The following DKK2 variants were observed in gnomAD, a reference collection of about 807,000 sequenced individuals.
The protein encoded by DKK2 is dickkopf-related protein 2.
In DKK2, 11 loss-of-function variants were observed where a neutral mutation model predicts 28.1. That is an observed-to-expected ratio of 0.39 (90% CI 0.25 to 0.65). The LOEUF is 0.65. Among genes scored for constraint, DKK2 ranks in the 30% least tolerant of loss-of-function variants. DKK2 has a pLI of 0.47. For synonymous variants in DKK2, 135 were observed against 126.5 expected (o/e 1.07, Z -0.45); for missense variants, 326 against 335.5 (o/e 0.97, Z 0.22).
rs563558323 is a variant in DKK2, at chr4:106,991,033, A to C, written c.222+44337T>G. 4.8e-3 allele frequency among the ~76,000 whole-genome samples: 734 copies of C among 152,300 alleles called. 6 individuals are homozygous for C. The highest frequency in any genetic ancestry group is 0.017 in the African/African-American group (708 of 41,562). On this transcript the variant is annotated intron_variant, in intron 1 of 3. Transcript: ENST00000285311. Reference sequence around the variant, plus strand: ...TTAGATGAAAAATTTTTGTTCTGTGAGTATAGAGCTTGTGCAAAGGAAAAA... The same window carrying C: ...TTAGATGAAAAATTTTTGTTCTGTGCGTATAGAGCTTGTGCAAAGGAAAAA...
At position 106,974,584 on chromosome 4, in the gene DKK2, T is replaced by C. The variant is rs568054773; in HGVS notation, c.223-48635A>G. On this transcript the variant is annotated intron_variant, in intron 1 of 3. Transcript: ENST00000285311. ...TAGGAATGCTTGTGATTTTCGCACA[T>C]TGATTTTGTATCCTGAGACTTTGCT... Among the ~76,000 whole-genome samples, 5 of 152,316 alleles carry C rather than the reference T, an allele frequency of 3.3e-5. No homozygotes were observed. In the East Asian group the frequency reaches 5.8e-4, roughly 18 times the overall value.
At chr4:107,001,926 T>C (rs1723365674) in intron 1 of DKK2, among the ~76,000 whole-genome samples, 1 of 152,216 alleles carries the variant, frequency 6.6e-6, no homozygotes, top group Non-Finnish European at 1.5e-5. Flanking sequence ...GTAAGTCTTA[T>C]CATTACATTA....
chr4:106,935,910 C>T (rs899979208), intron 1 of DKK2, among the ~76,000 whole-genome samples: 11 of 152,162 alleles, frequency 7.2e-5, no homozygotes, highest in Non-Finnish European at 1.3e-4. Context: ...AGGGTCCTGT[C>T]CGTTAGAAGG....
At chr4:106,946,652 C>T (rs899467757) in intron 1 of DKK2, among the ~76,000 whole-genome samples, 10 of 152,046 alleles carry the variant, frequency 6.6e-5, no homozygotes, top group Non-Finnish European at 1.3e-4. Context: ...AGCACCCTGA[C>T]ATTGTGAATC....
chr4:106,928,345 C>G (rs140948214), intron 1 of DKK2, among the ~76,000 whole-genome samples: 87 of 152,002 alleles, frequency 5.7e-4, no homozygotes, highest in African/African-American at 1.9e-3. Flanking sequence ...AAAAATGACA[C>G]AGGCAGAGAA....
chr4:106,924,852 G>T, intron 2 of DKK2, 152 bp from the exon 3 acceptor site: 1 of 797,176 alleles, frequency 1.3e-6, no homozygotes, highest in Non-Finnish European at 1.8e-6. Flanking sequence ...TATTTATTGA[G>T]ACTGAGCATA....
intron 1 of DKK2, among the ~76,000 whole-genome samples, chr4:106,982,022 A>T (rs191885543): frequency 6.6e-6 from 1 of 152,186 alleles, no homozygotes; most frequent in East Asian, 1.9e-4. Flanking sequence ...CAAATTCAAC[A>T]CTAACAGCAC....
At chr4:106,991,455 T>C (rs1216989316) in intron 1 of DKK2, among the ~76,000 whole-genome samples, 12 of 152,172 alleles carry the variant, frequency 7.9e-5, no homozygotes, top group Non-Finnish European at 1.3e-4. Flanking sequence ...CTTCCTAAGA[T>C]ACCACATTTT....
At position 106,923,239 on chromosome 4, in the gene DKK2, T is replaced by A. The variant is rs1724374007; in HGVS notation, c.*715A>T. The A allele has an allele frequency of 6.6e-6, 1 of 152,254 alleles. No individual in the cohort carries two copies. The highest frequency in any genetic ancestry group is 2.1e-4 in the South Asian group (1 of 4,840). The allele number at this position is 152,254 out of a possible 1,614,324, so 9.4% of individuals were successfully genotyped here. On this transcript the variant is annotated 3_prime_UTR_variant, in exon 4 of 4. Coordinates refer to ENST00000285311, the MANE Select transcript of DKK2 (RefSeq NM_014421.3). Reference sequence around the variant, plus strand: ...CTGAAGGAACTGTTTTTGTCTTGTATCAGTTCTTATTAATTACAGGTAAAA... The same window carrying A: ...CTGAAGGAACTGTTTTTGTCTTGTAACAGTTCTTATTAATTACAGGTAAAA...
intron 1 of DKK2, among the ~76,000 whole-genome samples, chr4:106,954,226 T>G (rs1722551645): frequency 6.6e-6 from 1 of 152,226 alleles, no homozygotes; most frequent in South Asian, 2.1e-4. Flanking sequence ...AAAATGTATT[T>G]AAAAGGCAAG....
intron 2 of DKK2, among the ~76,000 whole-genome samples, chr4:106,925,428 A>G (rs1371792387): frequency 6.6e-6 from 1 of 152,220 alleles, no homozygotes; most frequent in Non-Finnish European, 1.5e-5. Flanking sequence ...CATCTTGACT[A>G]AACCCAAAGC....
At chr4:106,947,559 A>G (rs1400695722) in intron 1 of DKK2, among the ~76,000 whole-genome samples, 5 of 151,992 alleles carry the variant, frequency 3.3e-5, no homozygotes, top group Non-Finnish European at 5.9e-5. Flanking sequence ...ATAAACTCAT[A>G]TCTGTACCGT....
intron 1 of DKK2, among the ~76,000 whole-genome samples, chr4:106,942,582 G>T (rs1306727273): frequency 1.3e-5 from 2 of 151,998 alleles, no homozygotes; most frequent in Non-Finnish European, 1.5e-5. Flanking sequence ...GAGGGAGAGT[G>T]AAAAAGAAAG....
intron 1 of DKK2, among the ~76,000 whole-genome samples, chr4:106,932,143 T>G (rs1226610967): frequency 6.6e-6 from 1 of 152,148 alleles, no homozygotes; most frequent in Non-Finnish European, 1.5e-5. Flanking sequence ...ATGGAAAATA[T>G]TTCAGTACCT....
intron 1 of DKK2, among the ~76,000 whole-genome samples, chr4:107,008,065 T>C (rs958654015): frequency 6.6e-6 from 1 of 152,132 alleles, no homozygotes; most frequent in Non-Finnish European, 1.5e-5. Context: ...CCAGCTTATG[T>C]TTCAGCTGCT....
chr4:107,022,599 C>T (rs1468701522), intron 1 of DKK2, among the ~76,000 whole-genome samples: 1 of 152,058 alleles, frequency 6.6e-6, no homozygotes. Context: ...GGAGTTTAGA[C>T]TTCATGTTCT....
At chr4:107,006,484 T>G (rs1011441574) in intron 1 of DKK2, among the ~76,000 whole-genome samples, 1 of 152,218 alleles carries the variant, frequency 6.6e-6, no homozygotes, top group Non-Finnish European at 1.5e-5. Flanking sequence ...AACAATCTTT[T>G]AGTAACCAAG....
At chr4:106,968,007 G>A (rs1345688267) in intron 1 of DKK2, among the ~76,000 whole-genome samples, 3 of 150,462 alleles carry the variant, frequency 2.0e-5, no homozygotes, top group Non-Finnish European at 4.4e-5. Context: ...AGAGGAGATG[G>A]AGAGATGAAG....
chr4:107,003,706 G>T (rs923602595), intron 1 of DKK2, among the ~76,000 whole-genome samples: 9 of 152,136 alleles, frequency 5.9e-5, no homozygotes, highest in African/African-American at 2.2e-4. Flanking sequence ...AGATTACCAC[G>T]GCAGCAACAT....
Sources: allele counts gnomAD v4.1 joint callset (sites outside exome capture counted in the v4.1 genomes callset), GRCh38; gene constraint gnomAD v4.1.1; transcripts MANE v1.5; gene names NCBI Gene and HGNC (gene_info 2026-07-23, HGNC 2026-07-21).